FNDC3B: variants seen among roughly 807,000 people sequenced by gnomAD.
The protein encoded by FNDC3B is fibronectin type III domain-containing protein 3B.
Under a neutral mutation model 151.5 loss-of-function variants are expected in FNDC3B, and 12 were observed. That is an observed-to-expected ratio of 0.08 (90% CI 0.05 to 0.13). The LOEUF (loss-of-function observed/expected upper bound fraction) is 0.13. Among genes scored for constraint, FNDC3B ranks in the 10% least tolerant of loss-of-function variants. FNDC3B has a pLI of 1.00. For missense variants in FNDC3B, 1,214 were observed against 1,505.3 expected (o/e 0.81, Z 3.20); for synonymous variants, 528 against 549.0 (o/e 0.96, Z 0.54).
At chr3:172,280,216 T>A (rs1729639003) in intron 6 of FNDC3B, among the ~76,000 whole-genome samples, 1 of 152,188 alleles carries the variant, frequency 6.6e-6, no homozygotes, top group Non-Finnish European at 1.5e-5. Context: ...CATCCAGCCA[T>A]CAACACACAT....
chr3:172,078,222 C>T (rs369765475), intron 1 of FNDC3B, among the ~76,000 whole-genome samples: 22 of 152,316 alleles, frequency 1.4e-4, no homozygotes, highest in Admixed American at 3.9e-4. Flanking sequence ...TCAGGTGATC[C>T]GCTTGCCTTG....
intron 14 of FNDC3B, 47 bp downstream of exon 14, chr3:172,333,222 T>G (rs1164000578): frequency 3.4e-6 from 4 of 1,185,188 alleles, no homozygotes; most frequent in Non-Finnish European, 5.1e-6. Context: ...ATGAAACTGT[T>G]TTCTATTTCA....
At chr3:172,100,370 AT>A (rs1430535047) in intron 1 of FNDC3B, among the ~76,000 whole-genome samples, 1 of 152,216 alleles carries the variant, frequency 6.6e-6, no homozygotes, top group African/African-American at 2.4e-5. Context: ...AAACACTGAA[AT>A]TCACCTATTT....
At chr3:172,246,604 G>C (rs1727789335) in intron 4 of FNDC3B, among the ~76,000 whole-genome samples, 1 of 152,204 alleles carries the variant, frequency 6.6e-6, no homozygotes, top group Admixed American at 6.5e-5. Flanking sequence ...ACATTCAGAG[G>C]AGCTGGGCAC....
rs960749537 is a variant in FNDC3B at position 172,298,018 on chromosome 3, C to T, written c.1002-710C>T. On this transcript the variant is annotated intron_variant, in intron 8 of 25. Transcript: ENST00000415807. ...GCGCAGGAGCTAGTCTAGGGTCATA[C>T]AGTACCTTTAGTTGTCATGTCTCTT... is the stretch of plus-strand genomic sequence containing the variant. 4.6e-5 allele frequency among the ~76,000 whole-genome samples: 7 copies of T among 152,332 alleles called. No homozygotes were observed. The South Asian group carries it at 1.4e-3, about 32-fold the overall frequency.
intron 1 of FNDC3B, among the ~76,000 whole-genome samples, chr3:172,076,036 C>T (rs1379831153): frequency 6.6e-6 from 1 of 152,098 alleles, no homozygotes; most frequent in Non-Finnish European, 1.5e-5. Flanking sequence ...CTTTTACAGG[C>T]TTAAGGTCCC....
intron 1 of FNDC3B, among the ~76,000 whole-genome samples, chr3:172,052,505 G>C (rs1716713950): frequency 6.6e-6 from 1 of 152,204 alleles, no homozygotes. Flanking sequence ...CCAAGTGTTG[G>C]TTAGTGCTAA....
At chr3:172,174,408 C>T (rs1270499878) in intron 3 of FNDC3B, among the ~76,000 whole-genome samples, 2 of 152,150 alleles carry the variant, frequency 1.3e-5, no homozygotes, top group Non-Finnish European at 2.9e-5. Flanking sequence ...TATTTTTAGC[C>T]TGAACAACAT....
chr3:172,299,744 G>A (rs920468649), intron 9 of FNDC3B, among the ~76,000 whole-genome samples: 9 of 151,864 alleles, frequency 5.9e-5, no homozygotes, highest in Admixed American at 1.3e-4. Context: ...TTGTGATTTC[G>A]GGATGAGGTT....
At chr3:172,179,710 C>T (rs1299973031) in intron 3 of FNDC3B, among the ~76,000 whole-genome samples, 9 of 151,724 alleles carry the variant, frequency 5.9e-5, no homozygotes, top group Admixed American at 2.6e-4. Context: ...GGCAAGACTC[C>T]GTCTCTACAA....
chr3:172,205,223 C>T (rs1560017326), intron 3 of FNDC3B, among the ~76,000 whole-genome samples: 1 of 152,116 alleles, frequency 6.6e-6, no homozygotes, highest in African/African-American at 2.4e-5. Context: ...GTATTCTTAT[C>T]CAGGACTAAC....
Position 172,352,928 on chromosome 3 carries a change from T to C in FNDC3B, c.2640T>C (p.Asp880=). 6.2e-7 allele frequency: 1 copy of C among 1,614,226 alleles called. No individual in the cohort carries two copies. The highest frequency in any genetic ancestry group is 8.5e-7 in the Non-Finnish European group (1 of 1,180,038). The part of the protein sequence containing the change: ...LEEEPLDAYP[D]SPSACLVLNW... ...AGGAGCCCCTTGATGCCTACCCTGATTCACCTTCTGCGTGCCTTGTACTGA... is the reference window on the plus strand; with the variant it reads ...AGGAGCCCCTTGATGCCTACCCTGACTCACCTTCTGCGTGCCTTGTACTGA... The change falls in exon 22 of 26, where the codon GAT becomes GAC. Residue 880 remains aspartate, a synonymous_variant. Coordinates refer to ENST00000415807, the MANE Select transcript of FNDC3B (RefSeq NM_022763.4). This position sits in a 1 kb window ranked among gnomAD's most constrained non-coding sequence, Gnocchi z 4.2.
At chr3:172,147,230 C>T (rs1038441569) in intron 3 of FNDC3B, among the ~76,000 whole-genome samples, 1 of 151,630 alleles carries the variant, frequency 6.6e-6, no homozygotes, top group African/African-American at 2.4e-5. Flanking sequence ...TTGCCTAAAC[C>T]CAGGAGATGG....
At chr3:172,081,086 A>G (rs546369713) in intron 1 of FNDC3B, among the ~76,000 whole-genome samples, 12 of 152,310 alleles carry the variant, frequency 7.9e-5, no homozygotes, top group East Asian at 7.7e-4. Context: ...TATTTTCCCT[A>G]AGATTCATCT....
In FNDC3B at chr3:172,398,931, G is replaced by A. The variant is rs1736423191; in HGVS notation, c.*1456G>A. 1 of 152,588 alleles carries A rather than the reference G, an allele frequency of 6.6e-6. No individual in the cohort carries two copies. Among genetic ancestry groups the A allele is most frequent in the African/African-American group, 2.4e-5 (1 of 41,442 alleles). The allele number at this position is 152,588 out of a possible 1,614,324, so 9.5% of individuals were successfully genotyped here. On this transcript the variant is annotated 3_prime_UTR_variant, in exon 26 of 26. Transcript: ENST00000415807. ...AAGTCCATAATGTTCGAGTACCTCAGGGACATTTAAGAGTTGGAGGTGCAA... is the reference window on the plus strand; with the variant it reads ...AAGTCCATAATGTTCGAGTACCTCAAGGACATTTAAGAGTTGGAGGTGCAA...
rs766112705 is a variant in FNDC3B, at chr3:172,352,923, C to T, written c.2635C>T (p.Pro879Ser). ...GGAGGAGGAGCCCCTTGATGCCTAC[C>T]CTGATTCACCTTCTGCGTGCCTTGT... Reference protein sequence around the residue: ...VLEEEPLDAYPDSPSACLVLN... With the variant: ...VLEEEPLDAYSDSPSACLVLN... Residue 879 changes from proline to serine, a missense_variant, in exon 22 of 26, where the codon CCT becomes TCT. By Grantham distance (74) the Pro-to-Ser change is moderately conservative (BLOSUM62 -1). Transcript: ENST00000415807. The surrounding 1 kb of genome is among the most constrained non-coding windows in gnomAD (Gnocchi z 4.2). 1 of 1,614,156 alleles carries T rather than the reference C, an allele frequency of 6.2e-7. No homozygotes were observed. The highest frequency in any genetic ancestry group is 8.5e-7 in the Non-Finnish European group (1 of 1,180,032).
At chr3:172,191,186 G>A (rs1724491057) in intron 3 of FNDC3B, among the ~76,000 whole-genome samples, 1 of 152,174 alleles carries the variant, frequency 6.6e-6, no homozygotes, top group South Asian at 2.1e-4. Flanking sequence ...TTGATGAATG[G>A]AGCCTGGGTT....
intron 7 of FNDC3B, among the ~76,000 whole-genome samples, chr3:172,293,820 T>C (rs1020190719): frequency 6.6e-6 from 1 of 152,240 alleles, no homozygotes; most frequent in Non-Finnish European, 1.5e-5. Context: ...GACTCTGCAT[T>C]CATTTTCCAT....
intron 1 of FNDC3B, among the ~76,000 whole-genome samples, chr3:172,074,344 A>G (rs1251061565): frequency 6.6e-6 from 1 of 152,238 alleles, no homozygotes; most frequent in Non-Finnish European, 1.5e-5. Flanking sequence ...GCTCACAAAC[A>G]TCAAATCAGC....
Sources: allele counts gnomAD v4.1 joint callset (sites outside exome capture counted in the v4.1 genomes callset), GRCh38; gene constraint gnomAD v4.1.1; non-coding constraint Gnocchi (gnomAD v3.1); transcripts MANE v1.5; gene names NCBI Gene and HGNC (gene_info 2026-07-23, HGNC 2026-07-21).